STRBP: variants seen among roughly 807,000 people sequenced by gnomAD.
STRBP encodes spermatid perinuclear RNA binding protein.
STRBP carries 13 observed loss-of-function variants against 80.1 expected under a neutral mutation model. The ratio of observed to expected loss-of-function variants is 0.16; its 90% CI spans 0.11 to 0.26. STRBP has a LOEUF of 0.26. Among genes scored for constraint, STRBP ranks in the 10% least tolerant of loss-of-function variants. The pLI is 1.00. For synonymous variants in STRBP, 284 were observed against 291.2 expected (o/e 0.98, Z 0.25); for missense variants, 485 against 815.2 (o/e 0.59, Z 4.93).
chr9:123,259,026 T>G (rs985321164), intron 1 of STRBP, among the ~76,000 whole-genome samples: 7 of 148,362 alleles, frequency 4.7e-5, no homozygotes, highest in African/African-American at 1.7e-4. Context: ...ATCATTCTTG[T>G]TACTGTATTA....
At chr9:123,120,845 A>G (rs934030668), downstream of STRBP, among the ~76,000 whole-genome samples, 2 of 152,228 alleles carry the variant, frequency 1.3e-5, no homozygotes, top group African/African-American at 4.8e-5. Flanking sequence ...TAAATGAGTG[A>G]ATTTCCAAGT....
chr9:123,149,641 A>G (rs1270448506), intron 11 of STRBP, among the ~76,000 whole-genome samples: 1 of 152,228 alleles, frequency 6.6e-6, no homozygotes, highest in East Asian at 1.9e-4. Flanking sequence ...GTGGTATTCA[A>G]CCTTCACAAT....
chr9:123,123,182 C>G lies in STRBP; in HGVS notation c.*2415G>C. ...TAATAAATGGTGCGACGCTCAGAGG[C>G]TGGCAATAGGGGCTGTCAATGAAAA... On this transcript the variant is annotated 3_prime_UTR_variant, in exon 19 of 19. Coordinates refer to ENST00000348403, the MANE Select transcript of STRBP (RefSeq NM_018387.5). The G allele has an allele frequency of 1.0e-6, 1 of 985,402 alleles. No individual in the cohort carries two copies. The highest frequency in any genetic ancestry group is 1.2e-6 in the Non-Finnish European group (1 of 829,926). The allele number at this position is 985,402 out of a possible 1,614,324, so 61.0% of individuals were successfully genotyped here. A position where few individuals can be genotyped will look rare whatever the true frequency, so the allele number is the denominator to read the frequency against.
At chr9:123,186,810 G>C (rs2038715072) in intron 2 of STRBP, among the ~76,000 whole-genome samples, 3 of 113,224 alleles carry the variant, frequency 2.6e-5, no homozygotes. Context: ...TAGCTTTTAA[G>C]AGTTTTTCTT....
intron 1 of STRBP, among the ~76,000 whole-genome samples, chr9:123,267,939 T>C (rs913976005): frequency 8.2e-6 from 1 of 121,684 alleles, no homozygotes; most frequent in African/African-American, 3.1e-5. Context: ...CCCCCAAACC[T>C]GCCTGAAGGC....
intron 2 of STRBP, among the ~76,000 whole-genome samples, chr9:123,224,007 C>T (rs55863538): frequency 0.017 from 2,657 of 152,224 alleles, 36 homozygotes; most frequent in Non-Finnish European, 0.021. Flanking sequence ...AAAAATTCCA[C>T]ATGGATTTAC....
At chr9:123,131,616 C>T (rs1215122479) in intron 17 of STRBP, among the ~76,000 whole-genome samples, 1 of 152,226 alleles carries the variant, frequency 6.6e-6, no homozygotes, top group African/African-American at 2.4e-5. Context: ...CTAAACTAGA[C>T]CAGGTTTCTC....
chr9:123,175,968 C>G (rs1262381562), intron 4 of STRBP, among the ~76,000 whole-genome samples: 1 of 152,200 alleles, frequency 6.6e-6, no homozygotes, highest in African/African-American at 2.4e-5. Flanking sequence ...TGGTTCAAAT[C>G]CTGGCTCTGC....
chr9:123,259,325 A>C (rs1274713688), intron 1 of STRBP, among the ~76,000 whole-genome samples: 2 of 152,202 alleles, frequency 1.3e-5, no homozygotes, highest in African/African-American at 4.8e-5. Flanking sequence ...AGACAGGGTA[A>C]GTTCAATTTG....
At chr9:123,205,242 G>C (rs1318668973) in intron 2 of STRBP, among the ~76,000 whole-genome samples, 4 of 152,224 alleles carry the variant, frequency 2.6e-5, no homozygotes, top group Admixed American at 2.6e-4. Context: ...CTCCAGCTGG[G>C]CAACAAGAGC....
chr9:123,166,751 CCAGCAACAA>C (rs752900832), intron 6 of STRBP, among the ~76,000 whole-genome samples: 11 of 80,086 alleles, frequency 1.4e-4, no homozygotes, highest in South Asian at 7.9e-4. Context: ...AAGACTGTCT[CCAGCAACAA>C]CAACAACAAC....
At chr9:123,168,320 A>T (rs533827265) in intron 6 of STRBP, 1 of 666,742 alleles carries the variant, frequency 1.5e-6, no homozygotes, top group South Asian at 6.7e-5. Flanking sequence ...TACTACATAC[A>T]GCAAAAAAAT....
chr9:123,265,174 C>T (rs183039324), intron 1 of STRBP, among the ~76,000 whole-genome samples: 141 of 152,042 alleles, frequency 9.3e-4, no homozygotes, highest in African/African-American at 3.3e-3. Context: ...TTGGATTTTA[C>T]GAATCATTTG....
chr9:123,109,795 T>C (rs1466513870), intron 3 of STRBP: 1 of 152,182 alleles, frequency 6.6e-6, no homozygotes, highest in Non-Finnish European at 1.5e-5. Flanking sequence ...AATAATTGCC[T>C]CAGAGGGGAA....
At chr9:123,231,515 CCA>C (rs2040397634) in intron 2 of STRBP, among the ~76,000 whole-genome samples, 1 of 152,184 alleles carries the variant, frequency 6.6e-6, no homozygotes, top group African/African-American at 2.4e-5. Flanking sequence ...ACTGCCAGCA[CCA>C]CAGTCTCCCA....
chr9:123,226,492 AG>A (rs1326826284), intron 2 of STRBP, among the ~76,000 whole-genome samples: 1 of 152,192 alleles, frequency 6.6e-6, no homozygotes, highest in African/African-American at 2.4e-5. Context: ...CATGCCTTGA[AG>A]GTTAAAGAGA....
intron 2 of STRBP, among the ~76,000 whole-genome samples, chr9:123,191,795 C>G (rs1013868812): frequency 1.3e-5 from 2 of 152,084 alleles, no homozygotes; most frequent in Non-Finnish European, 2.9e-5. Context: ...AATTTAGGGC[C>G]CTTCTGGTCA....
At chr9:123,228,433 C>G (rs2040305721) in intron 2 of STRBP, among the ~76,000 whole-genome samples, 1 of 152,070 alleles carries the variant, frequency 6.6e-6, no homozygotes, top group Non-Finnish European at 1.5e-5. Context: ...AGGAAACTGA[C>G]AAGGATTGAC....
At position 123,159,226 on chromosome 9, in the gene STRBP, C is replaced by A. The variant is rs1395373822; in HGVS notation, c.724-19G>T. On this transcript the variant is annotated intron_variant, in intron 8 of 18. Transcript: ENST00000348403. ...CTAGTGGCTAGAAGATATTAAATTACAAATTAGTACATGCACCAAGTGTTA... is the reference window on the plus strand; with the variant it reads ...CTAGTGGCTAGAAGATATTAAATTAAAAATTAGTACATGCACCAAGTGTTA... The A allele has an allele frequency of 1.3e-6, 2 of 1,524,390 alleles. No individual in the cohort carries two copies. Among genetic ancestry groups the A allele is most frequent in the Non-Finnish European group, 1.8e-6 (2 of 1,099,774 alleles). The allele number at this position is 1,524,390 out of a possible 1,614,324, so 94.4% of individuals were successfully genotyped here. A position where few individuals can be genotyped will look rare whatever the true frequency, so the allele number is the denominator to read the frequency against.
Sources: allele counts gnomAD v4.1 joint callset (sites outside exome capture counted in the v4.1 genomes callset), GRCh38; gene constraint gnomAD v4.1.1; transcripts MANE v1.5; gene names NCBI Gene and HGNC (gene_info 2026-07-23, HGNC 2026-07-21).